The following IGFL2 variants were observed in gnomAD, a reference collection of about 807,000 sequenced individuals.
IGFL2 encodes the protein insulin growth factor-like family member 2.
IGFL2 carries 7 observed loss-of-function variants against 13.9 expected under a neutral mutation model. The ratio of observed to expected loss-of-function variants is 0.51; its 90% CI spans 0.29 to 0.95. The LOEUF is 0.95. IGFL2 is among the 40% of genes least tolerant of loss of function. The pLI is 0.08. For synonymous variants in IGFL2, 55 were observed against 55.8 expected (o/e 0.99, Z 0.07); for missense variants, 138 against 147.8 (o/e 0.93, Z 0.34).
At position 46,160,901 on chromosome 19, in the gene IGFL2, C is replaced by G; in HGVS notation, c.341+20C>G. The G allele has an allele frequency of 6.2e-7, 1 of 1,611,236 alleles. No individual in the cohort carries two copies. Among genetic ancestry groups the G allele is most frequent in the Middle Eastern group, 1.7e-4 (1 of 6,052 alleles). Reference sequence around the variant, plus strand: ...TGAAAGGTAGGGACCCCGTCCCTGGCCAGGGGGTCGGGGGAAGGGAGGTGG... The same window carrying G: ...TGAAAGGTAGGGACCCCGTCCCTGGGCAGGGGGTCGGGGGAAGGGAGGTGG... On this transcript the variant is annotated intron_variant, in intron 3 of 3. Coordinates refer to ENST00000377693, the MANE Select transcript of IGFL2 (RefSeq NM_001135113.2).
At chr19:46,100,382 T>A in the IGFL2 span, among the ~76,000 whole-genome samples, 30 of 152,204 alleles carry the variant, frequency 2.0e-4, no homozygotes, top group African/African-American at 7.0e-4. Flanking sequence ...TATGCCTTTC[T>A]CTGAAGATGA....
the IGFL2 span, among the ~76,000 whole-genome samples, chr19:46,192,756 T>C: frequency 1.3e-5 from 2 of 152,192 alleles, no homozygotes; most frequent in African/African-American, 4.8e-5. Context: ...GAAGTATTTT[T>C]GAAGAACAAA....
the IGFL2 span, among the ~76,000 whole-genome samples, chr19:46,131,543 G>A: frequency 2.6e-5 from 4 of 152,232 alleles, no homozygotes; most frequent in East Asian, 1.9e-4. Flanking sequence ...GAGGTTTATC[G>A]ACTTCTTTTT....
At chr19:46,134,033 T>G in the IGFL2 span, among the ~76,000 whole-genome samples, 1 of 152,070 alleles carries the variant, frequency 6.6e-6, no homozygotes, top group Non-Finnish European at 1.5e-5. Flanking sequence ...AGGGGTAGGG[T>G]ATGCAGGCTG....
At chr19:46,140,037 C>A (rs1972788626), upstream of IGFL2, among the ~76,000 whole-genome samples, 1 of 152,078 alleles carries the variant, frequency 6.6e-6, no homozygotes, top group Non-Finnish European at 1.5e-5. Flanking sequence ...GCAACCTCCA[C>A]CTCCTGGGTT....
the IGFL2 span, among the ~76,000 whole-genome samples, chr19:46,182,671 G>A: frequency 5.3e-5 from 8 of 152,118 alleles, no homozygotes; most frequent in Non-Finnish European, 8.8e-5. Flanking sequence ...CTCGATGCAC[G>A]TGTCAGCCAC....
intron 1 of IGFL2, among the ~76,000 whole-genome samples, chr19:46,153,571 AT>A: frequency 6.6e-6 from 1 of 152,120 alleles, no homozygotes; most frequent in Admixed American, 6.5e-5. Context: ...ATATTGTTTT[AT>A]GCCATTACTT....
the IGFL2 span, among the ~76,000 whole-genome samples, chr19:46,179,230 GGGAGTCTGTGAGAGGCAGGGGTGCA>G: frequency 1.3e-5 from 2 of 151,402 alleles, no homozygotes; most frequent in East Asian, 1.9e-4. Flanking sequence ...TCATGGGGTG[GGGAGTCTGTGAGAGGCAGGGGTGCA>G]GGAGTCTGAG....
At chr19:46,179,596 G>A in the IGFL2 span, 1 of 152,430 alleles carries the variant, frequency 6.6e-6, no homozygotes, top group Non-Finnish European at 1.5e-5. Context: ...TATGAGGATG[G>A]GTGGATCGTT....
the IGFL2 span, among the ~76,000 whole-genome samples, chr19:46,194,300 T>C: frequency 1.2e-4 from 19 of 152,292 alleles, no homozygotes; most frequent in South Asian, 3.9e-3. Flanking sequence ...CAAGGGCCTC[T>C]CTCTGCCTGG....
At chr19:46,199,731 A>G in the IGFL2 span, among the ~76,000 whole-genome samples, 2 of 152,132 alleles carry the variant, frequency 1.3e-5, no homozygotes, top group Admixed American at 6.5e-5. Flanking sequence ...CTAGGCCTCT[A>G]CCTGCCTCGA....
chr19:46,086,546 G>A, the IGFL2 span, among the ~76,000 whole-genome samples: 2,051 of 152,196 alleles, frequency 0.013, 31 homozygotes, highest in Middle Eastern at 0.027. Flanking sequence ...CTCATCTCAA[G>A]CTCCTGACCT....
chr19:46,213,333 C>T, the IGFL2 span: 1 of 152,474 alleles, frequency 6.6e-6, no homozygotes, highest in Non-Finnish European at 1.5e-5. Flanking sequence ...GCCCAGCGAC[C>T]CAGCCTGTCT....
At chr19:46,172,908 G>A in the IGFL2 span, among the ~76,000 whole-genome samples, 13 of 152,072 alleles carry the variant, frequency 8.5e-5, no homozygotes, top group Non-Finnish European at 1.8e-4. Flanking sequence ...TATTAACTGA[G>A]TCCTCTGCTT....
chr19:46,168,527 A>C, the IGFL2 span, among the ~76,000 whole-genome samples: 1 of 152,154 alleles, frequency 6.6e-6, no homozygotes, highest in Non-Finnish European at 1.5e-5. Context: ...AGTAGCTATA[A>C]ATTAACCTAA....
rs554260844 is a variant in IGFL2 at position 46,160,156 on chromosome 19, G to C, written c.20-259G>C. 1.5e-3 allele frequency: 742 copies of C among 504,898 alleles called. 11 individuals are homozygous for C. The highest frequency in any genetic ancestry group is 0.012 in the South Asian group (487 of 41,090). 31.3% of individuals were successfully genotyped at this position (504,898 alleles called of 1,614,324 possible). ...TCCTTTTTCCAACTGGTAAACTTCA[G>C]CATATTCTTAGAATCATAAACGAAG... On this transcript the variant is annotated intron_variant, in intron 1 of 3. Transcript: ENST00000377693.
the IGFL2 span, chr19:46,120,503 C>A: frequency 1.6e-6 from 2 of 1,218,654 alleles, no homozygotes; most frequent in African/African-American, 1.6e-5. Context: ...AGGACACAGT[C>A]ACCATGAAAA....
At chr19:46,135,904 C>G in the IGFL2 span, among the ~76,000 whole-genome samples, 1 of 152,234 alleles carries the variant, frequency 6.6e-6, no homozygotes, top group Non-Finnish European at 1.5e-5. Flanking sequence ...TTTAAGGATT[C>G]TGAATACAGG....
the IGFL2 span, among the ~76,000 whole-genome samples, chr19:46,130,327 A>G: frequency 2.0e-3 from 308 of 152,288 alleles, no homozygotes; most frequent in Non-Finnish European, 3.0e-3. Flanking sequence ...ACAGGGTATG[A>G]TCTCCTGAAC....
Sources: allele counts gnomAD v4.1 joint callset (sites outside exome capture counted in the v4.1 genomes callset), GRCh38; gene constraint gnomAD v4.1.1; transcripts MANE v1.5; gene names NCBI Gene and HGNC (gene_info 2026-07-23, HGNC 2026-07-21).